Variants in FSTL5 observed in about 807,000 individuals in gnomAD.
The protein encoded by FSTL5 is follistatin-related protein 5.
FSTL5 carries 62 observed loss-of-function variants against 89.1 expected under a neutral mutation model. The ratio of observed to expected loss-of-function variants is 0.70; its 90% confidence interval spans 0.57 to 0.86. The LOEUF is 0.86. Ranked by LOEUF, FSTL5 falls within the 40% of genes least tolerant of loss-of-function variation. The pLI is 0.00. For synonymous variants in FSTL5, 383 were observed against 346.2 expected, an observed-to-expected ratio of 1.11 and a Z score of -1.18; for missense variants, 1,057 against 1,001.6, an observed-to-expected ratio of 1.06 and a Z score of -0.75.
At chr4:161,689,172 C>T (rs1214372438) in intron 6 of FSTL5, among the ~76,000 whole-genome samples, 1 of 152,070 alleles carries the variant, frequency 6.6e-6, no homozygotes, top group Non-Finnish European at 1.5e-5. Flanking sequence ...TTAAGAAAGC[C>T]CTCTTCACTT....
At chr4:161,489,326 TA>T (rs1389634659) in intron 12 of FSTL5, among the ~76,000 whole-genome samples, 2 of 151,934 alleles carry the variant, frequency 1.3e-5, no homozygotes, top group African/African-American at 4.8e-5. Flanking sequence ...TTGGGAAAGG[TA>T]AACATTTGAA....
intron 6 of FSTL5, among the ~76,000 whole-genome samples, chr4:161,679,007 A>C (rs545274625): frequency 9.9e-5 from 15 of 151,832 alleles, no homozygotes; most frequent in African/African-American, 3.6e-4. Flanking sequence ...AGATATATTA[A>C]ATTCTTTATC....
chr4:162,145,393 C>T (rs1322138898), intron 1 of FSTL5, among the ~76,000 whole-genome samples: 1 of 151,970 alleles, frequency 6.6e-6, no homozygotes, highest in Non-Finnish European at 1.5e-5. Flanking sequence ...AAGAGGTTTC[C>T]ATACAATATT....
Position 161,862,603 on chromosome 4 carries a change from G to A in FSTL5, c.409+57801C>T, listed in dbSNP as rs576908865. ...CAAAATTAGCTGGGTGTGGTGGTGC[G>A]CACCTGTAGTCCCAGCTACTCGTGA... On this transcript the variant is annotated intron_variant, in intron 4 of 15. Transcript: ENST00000306100. Among the ~76,000 whole-genome samples the A allele has an allele frequency of 3.4e-4, 52 of 152,140 alleles. 1 individual carries two copies. The highest frequency in any genetic ancestry group is 6.8e-3 in the Middle Eastern group (2 of 294).
intron 3 of FSTL5, among the ~76,000 whole-genome samples, chr4:161,968,598 C>A (rs1735390260): frequency 6.6e-6 from 1 of 151,802 alleles, no homozygotes; most frequent in African/African-American, 2.4e-5. Context: ...AATTTGGTAA[C>A]CTGGAGGTTA....
In FSTL5 at chr4:161,587,475, G is replaced by T. The variant is rs1208269011; in HGVS notation, c.995C>A (p.Thr332Asn). ...CTTACCATTCACTTGGAAGATGTGA[G>T]TCTGATAGACTTGTTCATAGCCATC... is the stretch of plus-strand genomic sequence containing the variant. Reference protein sequence around the residue: ...YADGYEQVYQTHIFQVNVPPV... With the variant: ...YADGYEQVYQNHIFQVNVPPV... The change falls in exon 8 of 16, where the codon ACT (threonine) becomes AAT (asparagine). Residue 332 changes from threonine to asparagine, a missense_variant. By Grantham distance (65) the Thr-to-Asn change is moderately conservative (BLOSUM62 0). Transcript: ENST00000306100. The T allele has an allele frequency of 6.2e-7, 1 of 1,613,140 alleles. No individual in the cohort carries two copies. The highest frequency in any genetic ancestry group is 1.7e-5 in the Admixed American group (1 of 59,986).
chr4:161,859,051 T>A (rs1731818593), intron 4 of FSTL5, among the ~76,000 whole-genome samples: 1 of 152,206 alleles, frequency 6.6e-6, no homozygotes, highest in Admixed American at 6.5e-5. Flanking sequence ...CATTTCCATT[T>A]TCTCCAGGCA....
intron 1 of FSTL5, among the ~76,000 whole-genome samples, chr4:162,163,285 T>C (rs1733758953): frequency 6.6e-6 from 1 of 152,022 alleles, no homozygotes; most frequent in Non-Finnish European, 1.5e-5. Context: ...TTTCCTGGAA[T>C]GGTTCCTATC....
At chr4:162,019,271 TCATAA>T (rs1191749733) in intron 3 of FSTL5, among the ~76,000 whole-genome samples, 1 of 152,070 alleles carries the variant, frequency 6.6e-6, no homozygotes, top group Non-Finnish European at 1.5e-5. Context: ...CTCTAGCTAA[TCATAA>T]CATATGATCT....
intron 14 of FSTL5, among the ~76,000 whole-genome samples, chr4:161,455,772 T>G (rs999425540): frequency 1.3e-5 from 2 of 152,174 alleles, no homozygotes; most frequent in Non-Finnish European, 2.9e-5. Context: ...AGTTCTTTCT[T>G]CAGATCTGTT....
intron 3 of FSTL5, among the ~76,000 whole-genome samples, chr4:161,926,011 A>G (rs1734110832): frequency 1.3e-5 from 2 of 151,930 alleles, no homozygotes; most frequent in African/African-American, 4.8e-5. Flanking sequence ...ATTCCCACAA[A>G]TGGAAAAATT....
chr4:161,424,573 AT>A (rs1732108551), intron 15 of FSTL5, among the ~76,000 whole-genome samples: 1 of 151,696 alleles, frequency 6.6e-6, no homozygotes, highest in Admixed American at 6.6e-5. Context: ...TCCCTCATCT[AT>A]CTCTTTTTAT....
intron 8 of FSTL5, among the ~76,000 whole-genome samples, chr4:161,572,761 T>A (rs1447212856): frequency 6.6e-6 from 1 of 152,140 alleles, no homozygotes; most frequent in Non-Finnish European, 1.5e-5. Context: ...AGAGAAGATG[T>A]CTGCATCACT....
chr4:161,619,030 A>G (rs1370890994), intron 7 of FSTL5, among the ~76,000 whole-genome samples: 1 of 152,162 alleles, frequency 6.6e-6, no homozygotes, highest in Admixed American at 6.5e-5. Context: ...CTCAGAAATA[A>G]CGCTGCATAT....
intron 4 of FSTL5, among the ~76,000 whole-genome samples, chr4:161,828,659 T>C (rs1314358136): frequency 6.6e-6 from 1 of 151,432 alleles, no homozygotes; most frequent in Non-Finnish European, 1.5e-5. Flanking sequence ...ATTATATTAT[T>C]TTCCTCTGGG....
At chr4:161,759,689 A>C (rs1740715274) in intron 5 of FSTL5, among the ~76,000 whole-genome samples, 158 bp from the exon 6 acceptor site, 1 of 152,216 alleles carries the variant, frequency 6.6e-6, no homozygotes, top group Non-Finnish European at 1.5e-5. Flanking sequence ...TTACTGAACA[A>C]TCATTTTTAA....
chr4:161,928,178 G>T (rs1205242879), intron 3 of FSTL5, among the ~76,000 whole-genome samples: 1 of 149,582 alleles, frequency 6.7e-6, no homozygotes, highest in African/African-American at 2.4e-5. Context: ...TTTTATCATG[G>T]ACTTATTTCA....
intron 4 of FSTL5, among the ~76,000 whole-genome samples, chr4:161,833,774 T>C (rs572306622): frequency 6.6e-6 from 1 of 151,976 alleles, no homozygotes; most frequent in Non-Finnish European, 1.5e-5. Flanking sequence ...CCTATGTGTG[T>C]CTCTGCATGG....
chr4:161,517,662 T>C (rs1217959507), intron 10 of FSTL5, among the ~76,000 whole-genome samples: 1 of 152,216 alleles, frequency 6.6e-6, no homozygotes, highest in African/African-American at 2.4e-5. Context: ...CATAACATCA[T>C]GCTGTACTAT....
Sources: allele counts gnomAD v4.1 joint callset (sites outside exome capture counted in the v4.1 genomes callset), GRCh38; gene constraint gnomAD v4.1.1; transcripts MANE v1.5; gene names NCBI Gene and HGNC (gene_info 2026-07-23, HGNC 2026-07-21).